DIS3L2: variants seen among roughly 807,000 people sequenced by gnomAD.
DIS3L2 encodes DIS3 like 3'-5' exoribonuclease 2, also known as DIS3-like exonuclease 2.
In DIS3L2, 34 loss-of-function variants were observed where a neutral mutation model predicts 97.5. The observed-to-expected ratio is 0.35, with a 90% CI of 0.27 to 0.46. The LOEUF is 0.46. Ranked by LOEUF, DIS3L2 falls within the 20% of genes least tolerant of loss-of-function variation. The probability of loss-of-function intolerance (pLI) is 1.00; values close to 1 mark genes in which losing one functional copy is unlikely to be tolerated. For missense variants in DIS3L2, 1,038 were observed against 1,146.0 expected (o/e 0.91, Z 1.36); for synonymous variants, 435 against 445.2 (o/e 0.98, Z 0.29).
intron 13 of DIS3L2, among the ~76,000 whole-genome samples, chr2:232,265,836 A>G (rs965783161): frequency 6.6e-6 from 1 of 152,258 alleles, no homozygotes; most frequent in African/African-American, 2.4e-5. Context: ...TAACGTATGA[A>G]CAGTGAATTG....
intron 8 of DIS3L2, among the ~76,000 whole-genome samples, chr2:232,163,102 C>T (rs1690701129): frequency 6.6e-6 from 1 of 152,110 alleles, no homozygotes; most frequent in African/African-American, 2.4e-5. Flanking sequence ...ACTTAACGTA[C>T]AGGCACTCTG....
At chr2:232,028,851 G>A (rs545134276) in intron 4 of DIS3L2, among the ~76,000 whole-genome samples, 2 of 152,266 alleles carry the variant, frequency 1.3e-5, no homozygotes, top group Admixed American at 6.5e-5. Context: ...GGACTAGGGT[G>A]GGGTCAGTTT....
chr2:232,307,700 G>A (rs1024643384), intron 14 of DIS3L2: 1 of 152,162 alleles, frequency 6.6e-6, no homozygotes, highest in Non-Finnish European at 1.5e-5. Context: ...GCAGACACCA[G>A]GCAAGGGGCT....
intron 1 of DIS3L2, among the ~76,000 whole-genome samples, chr2:231,963,462 G>T (rs1692624988): frequency 6.6e-6 from 1 of 152,054 alleles, no homozygotes; most frequent in African/African-American, 2.4e-5. Flanking sequence ...TTTGCTTGTT[G>T]ATTTAAGTTC....
chr2:232,333,762 G>GAT, intron 16 of DIS3L2, 78 bp from the exon 17 acceptor site: 7 of 1,452,736 alleles, frequency 4.8e-6, no homozygotes, highest in South Asian at 4.5e-5. Flanking sequence ...CGACGGTGAG[G>GAT]CTGTGGGTGG....
intron 5 of DIS3L2, among the ~76,000 whole-genome samples, chr2:232,050,282 C>CT (rs1213830058): frequency 6.6e-6 from 1 of 151,414 alleles, no homozygotes; most frequent in Non-Finnish European, 1.5e-5. Flanking sequence ...TTTCTTTTTT[C>CT]TTTTTTTGAG....
At chr2:232,089,947 T>G (rs184312141) in intron 6 of DIS3L2, among the ~76,000 whole-genome samples, 1 of 152,262 alleles carries the variant, frequency 6.6e-6, no homozygotes, top group East Asian at 1.9e-4. Flanking sequence ...ACACTCCTTT[T>G]GAGATAGGGT....
chr2:232,215,526 G>A (rs1692309729), intron 10 of DIS3L2, among the ~76,000 whole-genome samples: 1 of 152,160 alleles, frequency 6.6e-6, no homozygotes, highest in Non-Finnish European at 1.5e-5. Flanking sequence ...CATTTTTTGG[G>A]GAGGATGGAG....
At chr2:232,337,237 A>T, downstream of DIS3L2, 1 of 981,580 alleles carries the variant, frequency 1.0e-6, no homozygotes, top group Non-Finnish European at 1.2e-6. Context: ...ACTGTGTCTG[A>T]CGAATGTGAC....
At chr2:232,321,140 G>A (rs1184541308) in intron 14 of DIS3L2, among the ~76,000 whole-genome samples, 4 of 152,158 alleles carry the variant, frequency 2.6e-5, no homozygotes, top group South Asian at 2.1e-4. Context: ...ATCTCCTTGT[G>A]GCCAGTAAGT....
intron 1 of DIS3L2, among the ~76,000 whole-genome samples, chr2:231,973,837 G>A (rs1037886887): frequency 3.3e-5 from 5 of 152,096 alleles, no homozygotes; most frequent in African/African-American, 9.7e-5. Flanking sequence ...GTGGAGAACT[G>A]TGAAGAAAAA....
chr2:232,220,426 G>A (rs79600816), intron 10 of DIS3L2, among the ~76,000 whole-genome samples: 10 of 152,220 alleles, frequency 6.6e-5, no homozygotes, highest in African/African-American at 2.2e-4. Context: ...AGAAATTTGA[G>A]GGCGGGGTGC....
chr2:232,272,482 G>A (rs1474977065), intron 13 of DIS3L2, among the ~76,000 whole-genome samples: 2 of 152,222 alleles, frequency 1.3e-5, no homozygotes, highest in Non-Finnish European at 2.9e-5. Flanking sequence ...GGAGGGTGAA[G>A]CCGTGAGCCA....
At chr2:232,169,630 C>CT (rs1690925983) in intron 9 of DIS3L2, among the ~76,000 whole-genome samples, 2 of 152,280 alleles carry the variant, frequency 1.3e-5, no homozygotes, top group African/African-American at 4.8e-5. Context: ...CCTTCAGACT[C>CT]TAAGATCCTT....
chr2:232,071,446 T>A (rs1315697180), intron 5 of DIS3L2, among the ~76,000 whole-genome samples: 1 of 151,408 alleles, frequency 6.6e-6, no homozygotes, highest in Non-Finnish European at 1.5e-5. Context: ...AGCTTGAGCC[T>A]GGGAGGTCGA....
At chr2:232,223,901 AACAT>A (rs1248424216) in intron 10 of DIS3L2, among the ~76,000 whole-genome samples, 24 of 152,214 alleles carry the variant, frequency 1.6e-4, no homozygotes, top group Admixed American at 6.5e-4. Context: ...CAGCCTTGGC[AACAT>A]GGTGAAACCC....
intron 11 of DIS3L2, among the ~76,000 whole-genome samples, chr2:232,244,303 G>A (rs527774509): frequency 1.3e-5 from 2 of 152,314 alleles, no homozygotes; most frequent in South Asian, 4.1e-4. Flanking sequence ...ACAGGGGTGA[G>A]GAGTGTGGGG....
intron 13 of DIS3L2, among the ~76,000 whole-genome samples, chr2:232,297,871 T>G (rs1436001733): frequency 6.6e-6 from 1 of 152,128 alleles, no homozygotes; most frequent in Non-Finnish European, 1.5e-5. Flanking sequence ...CCCAGCTAAT[T>G]TTTTGTATTT....
chr2:232,017,473 C>T (rs1694390565), intron 3 of DIS3L2, among the ~76,000 whole-genome samples: 1 of 152,184 alleles, frequency 6.6e-6, no homozygotes, highest in Admixed American at 6.5e-5. Flanking sequence ...GATGAAGCTG[C>T]ATTTGGATGT....
Sources: gnomAD v4.1 joint callset for allele counts (sites outside exome capture counted in the v4.1 genomes callset) on GRCh38, gnomAD v4.1.1 for gene constraint, MANE v1.5 for transcripts, NCBI Gene and HGNC (gene_info 2026-07-23, HGNC 2026-07-21) for gene names.